Variants in NOL4 observed in about 807,000 individuals in gnomAD.
NOL4 encodes cancer/testis antigen 125.
In NOL4, 17 loss-of-function variants were observed where a neutral mutation model predicts 75.9. The ratio of observed to expected loss-of-function variants is 0.22; its 90% CI spans 0.15 to 0.34. The LOEUF (loss-of-function observed/expected upper bound fraction) is 0.34. Among genes scored for constraint, NOL4 ranks in the 10% least tolerant of loss-of-function variants. The pLI, the probability that NOL4 is intolerant of heterozygous loss-of-function variation, is 1.00. For synonymous variants in NOL4, 292 were observed against 289.9 expected (o/e 1.01, Z -0.07); for missense variants, 614 against 793.5 (o/e 0.77, Z 2.72).
chr18:33,935,494 C>G (rs961070345), intron 9 of NOL4, among the ~76,000 whole-genome samples: 1 of 151,902 alleles, frequency 6.6e-6, no homozygotes, highest in Non-Finnish European at 1.5e-5. Context: ...AGTTCTTTGT[C>G]TTAATTTGGC....
intron 1 of NOL4, among the ~76,000 whole-genome samples, chr18:34,189,536 A>G (rs1181424214): frequency 6.6e-6 from 1 of 152,186 alleles, no homozygotes; most frequent in Non-Finnish European, 1.5e-5. Context: ...CCTATTCTAG[A>G]ACAAGAAATG....
At chr18:34,096,504 AG>A (rs1262012772) in intron 4 of NOL4, among the ~76,000 whole-genome samples, 1 of 152,158 alleles carries the variant, frequency 6.6e-6, no homozygotes, top group Admixed American at 6.6e-5. Context: ...TAATTACACT[AG>A]GAAGAAACTA....
chr18:33,944,088 A>T (rs2068678516), intron 8 of NOL4, among the ~76,000 whole-genome samples: 1 of 151,952 alleles, frequency 6.6e-6, no homozygotes, highest in Admixed American at 6.6e-5. Context: ...AAATTAAACC[A>T]AATGAGGTAG....
chr18:34,147,394 A>G (rs1252777441), intron 1 of NOL4, among the ~76,000 whole-genome samples: 1 of 152,146 alleles, frequency 6.6e-6, no homozygotes, highest in Non-Finnish European at 1.5e-5. Context: ...CATTCCATCA[A>G]TACCTAGTTT....
At position 34,146,630 on chromosome 18, in the gene NOL4, C is replaced by T. The variant is rs186953998; in HGVS notation, c.265-16610G>A. ...ACCACGCTGCTTTGGTTACTGTAGC[C>T]TTGTAGTATAGTCTGAAGTCAGGTA... is the stretch of plus-strand genomic sequence containing the variant. On this transcript the variant is annotated intron_variant, in intron 1 of 10. Coordinates refer to ENST00000261592, the MANE Select transcript of NOL4 (RefSeq NM_003787.5). Among the ~76,000 whole-genome samples the T allele has an allele frequency of 3.3e-3, 501 of 152,112 alleles. 5 individuals carry two copies. Among genetic ancestry groups the T allele is most frequent in the African/African-American group, 0.012 (483 of 41,498 alleles).
At chr18:33,969,751 G>A (rs2145859160) in intron 6 of NOL4, among the ~76,000 whole-genome samples, 1 of 107,576 alleles carries the variant, frequency 9.3e-6, no homozygotes, top group South Asian at 2.8e-4. Context: ...TTTTTCCAGT[G>A]CTTGTCCAAA....
chr18:33,953,618 T>A (rs566968402), intron 8 of NOL4, among the ~76,000 whole-genome samples: 247 of 152,262 alleles, frequency 1.6e-3, no homozygotes, highest in African/African-American at 5.6e-3. Flanking sequence ...AATGACAATA[T>A]GGTGCTATTA....
intron 9 of NOL4, among the ~76,000 whole-genome samples, chr18:33,937,095 G>A (rs1268258019): frequency 6.6e-6 from 1 of 151,970 alleles, no homozygotes; most frequent in African/African-American, 2.4e-5. Flanking sequence ...GAATTTCCTA[G>A]ATAACGTAAA....
chr18:34,159,627 G>A (rs2031126027), intron 1 of NOL4, among the ~76,000 whole-genome samples: 1 of 152,126 alleles, frequency 6.6e-6, no homozygotes, highest in Admixed American at 6.5e-5. Context: ...CCTCGCCGGA[G>A]GGGTCCCTCT....
chr18:33,989,704 T>C (rs781242671), intron 6 of NOL4, among the ~76,000 whole-genome samples: 7 of 151,894 alleles, frequency 4.6e-5, no homozygotes, highest in Non-Finnish European at 2.9e-5. Flanking sequence ...AATAAAAGAG[T>C]TGATGTTAGT....
At position 34,042,663 on chromosome 18, in the gene NOL4, T is replaced by C. The variant is rs567463577; in HGVS notation, c.773-23062A>G. ...ATGCTTTCAGTTATTAAGCATCCGG[T>C]GCAGCAAGTTCCTTTATATTAGTTA... On this transcript the variant is annotated intron_variant, in intron 5 of 10. Coordinates refer to ENST00000261592, the MANE Select transcript of NOL4 (RefSeq NM_003787.5). 1.7e-4 allele frequency among the ~76,000 whole-genome samples: 26 copies of C among 152,186 alleles called. 1 individual carries two copies. The highest frequency in any genetic ancestry group is 1.4e-3 in the East Asian group (7 of 5,170).
intron 1 of NOL4, among the ~76,000 whole-genome samples, chr18:34,152,589 G>C (rs1260772863): frequency 6.6e-6 from 1 of 151,604 alleles, no homozygotes; most frequent in African/African-American, 2.4e-5. Context: ...TATATTAAAA[G>C]AAAAAACAGC....
intron 5 of NOL4, among the ~76,000 whole-genome samples, chr18:34,047,095 G>T (rs2076413588): frequency 6.6e-6 from 1 of 152,138 alleles, no homozygotes; most frequent in Non-Finnish European, 1.5e-5. Context: ...AACATATGAA[G>T]ATAATAATTT....
At chr18:33,976,428 G>A (rs112184112) in intron 6 of NOL4, among the ~76,000 whole-genome samples, 1 of 152,110 alleles carries the variant, frequency 6.6e-6, no homozygotes, top group Non-Finnish European at 1.5e-5. Context: ...GTCAATCCTA[G>A]ATTTAACTCC....
intron 6 of NOL4, among the ~76,000 whole-genome samples, chr18:33,991,516 G>T (rs1410297620): frequency 6.6e-6 from 1 of 151,878 alleles, no homozygotes; most frequent in Non-Finnish European, 1.5e-5. Flanking sequence ...TTTTTACAGT[G>T]AAATGATTAC....
intron 5 of NOL4, among the ~76,000 whole-genome samples, chr18:34,072,028 C>A (rs963900367): frequency 6.6e-6 from 1 of 151,996 alleles, no homozygotes; most frequent in Non-Finnish European, 1.5e-5. Context: ...GTCAGGAGTT[C>A]GAGACCAGCC....
At chr18:33,884,320 C>T (rs1010295852) in intron 9 of NOL4, among the ~76,000 whole-genome samples, 3 of 151,748 alleles carry the variant, frequency 2.0e-5, no homozygotes, top group African/African-American at 4.8e-5. Flanking sequence ...ATTTGAGTGC[C>T]GACTCCAAGC....
chr18:34,049,656 C>T lies in NOL4; in HGVS notation c.773-30055G>A, dbSNP rs561447792. Among the ~76,000 whole-genome samples, 10 of 152,136 alleles carry T rather than the reference C, an allele frequency of 6.6e-5. No individual in the cohort carries two copies. In the South Asian group the frequency reaches 8.3e-4, roughly 13 times the overall value. Reference sequence around the variant, plus strand: ...TGTCCTCTTTACTCCTTAATTTCCCCGTAATCTTTTCTATTTCTCAACCTT... The same window carrying T: ...TGTCCTCTTTACTCCTTAATTTCCCTGTAATCTTTTCTATTTCTCAACCTT... On this transcript the variant is annotated intron_variant, in intron 5 of 10. Transcript: ENST00000261592.
chr18:33,907,577 A>G (rs1314493889), intron 9 of NOL4, among the ~76,000 whole-genome samples: 1 of 152,170 alleles, frequency 6.6e-6, no homozygotes, highest in East Asian at 1.9e-4. Context: ...TTAAACTTTT[A>G]GAAGCACAAT....
Sources: gnomAD v4.1 joint callset for allele counts (sites outside exome capture counted in the v4.1 genomes callset) on GRCh38, gnomAD v4.1.1 for gene constraint, MANE v1.5 for transcripts, NCBI Gene and HGNC (gene_info 2026-07-23, HGNC 2026-07-21) for gene names.